Variants in ARIH1 observed in about 807,000 individuals in gnomAD.
ARIH1 encodes E3 ubiquitin-protein ligase ARIH1.
A neutral mutation model predicts 85.0 loss-of-function variants in ARIH1; 8 were observed. The observed-to-expected ratio is 0.09, with a 90% CI of 0.06 to 0.17. ARIH1 has a LOEUF of 0.17. ARIH1 is among the 10% of genes least tolerant of loss of function. The probability of loss-of-function intolerance (pLI) is 1.00; values close to 1 mark genes in which losing one functional copy is unlikely to be tolerated. For missense variants in ARIH1, 311 were observed against 718.1 expected, an observed-to-expected ratio of 0.43 and a Z score of 6.48; for synonymous variants, 238 against 253.6, an observed-to-expected ratio of 0.94 and a Z score of 0.59.
At chr15:72,481,375 A>G (rs2063816064) in intron 1 of ARIH1, among the ~76,000 whole-genome samples, 1 of 152,198 alleles carries the variant, frequency 6.6e-6, no homozygotes. Flanking sequence ...ATAGATTACT[A>G]CAGAGGTGGG....
At chr15:72,499,492 A>G (rs946379151) in intron 1 of ARIH1, among the ~76,000 whole-genome samples, 6 of 152,304 alleles carry the variant, frequency 3.9e-5, no homozygotes, top group South Asian at 4.1e-4. Flanking sequence ...ATATGTTATC[A>G]AAATATTTTT....
chr15:72,535,999 A>G (rs570704922), intron 2 of ARIH1, among the ~76,000 whole-genome samples: 31 of 152,304 alleles, frequency 2.0e-4, no homozygotes, highest in African/African-American at 5.3e-4. Context: ...ATTCTGCCCA[A>G]TTGTTGAAAT....
intron 1 of ARIH1, among the ~76,000 whole-genome samples, chr15:72,510,393 G>A (rs1363008757): frequency 6.6e-6 from 1 of 152,156 alleles, no homozygotes; most frequent in East Asian, 1.9e-4. Flanking sequence ...AAGTTTTACA[G>A]TCTGATTTAC....
intron 5 of ARIH1, among the ~76,000 whole-genome samples, chr15:72,559,717 G>A (rs2064189941): frequency 1.3e-5 from 2 of 152,032 alleles, no homozygotes; most frequent in Non-Finnish European, 2.9e-5. Context: ...CTAGACCCTA[G>A]CAACCACTCA....
At chr15:72,524,096 GC>G (rs2064014640) in intron 2 of ARIH1, among the ~76,000 whole-genome samples, 2 of 151,778 alleles carry the variant, frequency 1.3e-5, no homozygotes, top group South Asian at 4.2e-4. Context: ...ACAGGCGCCT[GC>G]CACCATGCCT....
chr15:72,537,908 A>T (rs2064089918), intron 2 of ARIH1, among the ~76,000 whole-genome samples: 1 of 152,222 alleles, frequency 6.6e-6, no homozygotes, highest in African/African-American at 2.4e-5. Flanking sequence ...ATACATTTTC[A>T]TACATGGATA....
At position 72,594,979 on chromosome 15, in the gene ARIH1, A is replaced by G. The variant is rs1161931732; in HGVS notation, c.*11687A>G. 1 of 152,006 alleles carries G rather than the reference A, an allele frequency of 6.6e-6. No homozygotes were observed. The highest frequency in any genetic ancestry group is 2.4e-5 in the African/African-American group (1 of 41,400). 9.4% of individuals were successfully genotyped at this position (152,006 alleles called of 1,614,324 possible). Reference sequence around the variant, plus strand: ...ATAATGTTAACTGTAAGTTTTTCACAGACCAGCCCAAAGAAGTTCCTTTCT... The same window carrying G: ...ATAATGTTAACTGTAAGTTTTTCACGGACCAGCCCAAAGAAGTTCCTTTCT... On this transcript the variant is annotated 3_prime_UTR_variant, in exon 14 of 14. Coordinates refer to ENST00000379887, the MANE Select transcript of ARIH1 (RefSeq NM_005744.5).
At chr15:72,570,593 A>G (rs1438356859) in intron 10 of ARIH1, among the ~76,000 whole-genome samples, 1 of 152,210 alleles carries the variant, frequency 6.6e-6, no homozygotes, top group African/African-American at 2.4e-5. Context: ...CAAAGGTAGA[A>G]TGTTGTGAAA....
intron 9 of ARIH1, 105 bp downstream of exon 9, chr15:72,567,282 C>A: frequency 1.3e-6 from 1 of 778,568 alleles, no homozygotes. Context: ...TTTGTTTCAT[C>A]TTTTTCTCCA....
chr15:72,555,271 T>C lies in ARIH1; in HGVS notation c.589T>C (p.Tyr197His). The change falls in exon 4 of 14, where the codon TAT becomes CAT. Residue 197 changes from tyrosine (Y) to histidine (H), a missense_variant and splice_region_variant. Coordinates refer to ENST00000379887, the MANE Select transcript of ARIH1 (RefSeq NM_005744.5). ...AGTTCATGTTTTGTTTTTCTTACAG[T>C]ATTTCACTGGCCTTGAATGTGGACA... is the stretch of plus-strand genomic sequence containing the variant. ...QICYLNYPNS[Y>H]FTGLECGHKF... 1 of 1,609,882 alleles carries C rather than the reference T, an allele frequency of 6.2e-7. No individual in the cohort carries two copies. Among genetic ancestry groups the C allele is most frequent in the South Asian group, 1.1e-5 (1 of 90,882 alleles).
chr15:72,499,037 G>A (rs1361161890), intron 1 of ARIH1, among the ~76,000 whole-genome samples: 3 of 132,036 alleles, frequency 2.3e-5, no homozygotes, highest in African/African-American at 6.1e-5. Flanking sequence ...CTGGAGTGCA[G>A]TAGTGTGATC....
At chr15:72,538,126 G>C (rs888054344) in intron 2 of ARIH1, among the ~76,000 whole-genome samples, 4 of 152,178 alleles carry the variant, frequency 2.6e-5, no homozygotes, top group African/African-American at 9.7e-5. Flanking sequence ...CACTTTGGGA[G>C]GCTGAGGTGG....
At chr15:72,565,258 GTATT>G (rs2064214336) in intron 7 of ARIH1, among the ~76,000 whole-genome samples, 1 of 151,850 alleles carries the variant, frequency 6.6e-6, no homozygotes, top group African/African-American at 2.4e-5. Context: ...ATTTATTTAT[GTATT>G]TATTTTTAAT....
At chr15:72,560,000 A>AC (rs2064191106) in intron 5 of ARIH1, among the ~76,000 whole-genome samples, 1 of 152,198 alleles carries the variant, frequency 6.6e-6, no homozygotes, top group Non-Finnish European at 1.5e-5. Flanking sequence ...AAGTATATAT[A>AC]TTTCAAAGGA....
intron 11 of ARIH1, among the ~76,000 whole-genome samples, chr15:72,580,118 C>T (rs1010571030): frequency 1.3e-5 from 2 of 152,118 alleles, no homozygotes; most frequent in Non-Finnish European, 2.9e-5. Context: ...CCTCTGGTAA[C>T]CGTCATTATA....
chr15:72,555,758 A>T, intron 4 of ARIH1, 94 bp from the exon 5 acceptor site: 2 of 971,426 alleles, frequency 2.1e-6, no homozygotes, highest in Non-Finnish European at 3.3e-6. Flanking sequence ...GTAAACATTA[A>T]GGTATTCCCA....
rs1366516835 is a variant in ARIH1, at chr15:72,599,521, T to A, written c.*16229T>A. 1 of 152,202 alleles carries A rather than the reference T, an allele frequency of 6.6e-6. No homozygotes were observed. Among genetic ancestry groups the A allele is most frequent in the East Asian group, 1.9e-4 (1 of 5,200 alleles). The allele number at this position is 152,202 out of a possible 1,614,324, so 9.4% of individuals were successfully genotyped here. ...AATGTGTCAATATCTCTTCCTTTTA[T>A]TTTTTATTTTTTGTAGAGACAGGGG... On this transcript the variant is annotated 3_prime_UTR_variant, in exon 14 of 14. Coordinates refer to ENST00000379887, the MANE Select transcript of ARIH1 (RefSeq NM_005744.5).
intron 1 of ARIH1, among the ~76,000 whole-genome samples, chr15:72,496,344 A>G (rs2063880293): frequency 2.0e-5 from 3 of 152,242 alleles, no homozygotes; most frequent in Non-Finnish European, 2.9e-5. Flanking sequence ...GGAATGTAGA[A>G]TGGCAAAATG....
At chr15:72,564,073 T>C (rs1453798214) in intron 7 of ARIH1, among the ~76,000 whole-genome samples, 1 of 152,228 alleles carries the variant, frequency 6.6e-6, no homozygotes, top group African/African-American at 2.4e-5. Context: ...TTCTAGTTTT[T>C]TCCAAAGTGG....
Sources: gnomAD v4.1 joint callset for allele counts (sites outside exome capture counted in the v4.1 genomes callset) on GRCh38, gnomAD v4.1.1 for gene constraint, MANE v1.5 for transcripts, NCBI Gene and HGNC (gene_info 2026-07-23, HGNC 2026-07-21) for gene names.